Variants in RASEF observed in about 807,000 individuals in gnomAD.
The protein encoded by RASEF is RAS and EF-hand domain containing.
RASEF carries 68 observed loss-of-function variants against 90.1 expected under a neutral mutation model. That is an observed-to-expected ratio of 0.75 (90% CI 0.62 to 0.92). The LOEUF is 0.92. Among genes scored for constraint, RASEF ranks in the 40% least tolerant of loss-of-function variants. RASEF has a pLI of 0.00. For synonymous variants in RASEF, 331 were observed against 345.2 expected, an observed-to-expected ratio of 0.96 and a Z score of 0.46; for missense variants, 949 against 937.2, an observed-to-expected ratio of 1.01 and a Z score of -0.16.
At chr9:83,027,665 AGAG>A (rs1320587138) in intron 1 of RASEF, among the ~76,000 whole-genome samples, 2 of 152,250 alleles carry the variant, frequency 1.3e-5, no homozygotes, top group Non-Finnish European at 2.9e-5. Flanking sequence ...CTGATCTGAA[AGAG>A]GATAAAGGAA....
intron 1 of RASEF, among the ~76,000 whole-genome samples, chr9:83,034,420 A>C (rs2118611359): frequency 6.6e-6 from 1 of 152,312 alleles, no homozygotes; most frequent in South Asian, 2.1e-4. Context: ...TCCTGCAGGT[A>C]AAATTCTTTC....
chr9:83,157,838 T>C, the RASEF span, among the ~76,000 whole-genome samples: 3 of 152,220 alleles, frequency 2.0e-5, no homozygotes, highest in Non-Finnish European at 4.4e-5. Flanking sequence ...TACAAAATGT[T>C]GACATTTACT....
At chr9:83,038,037 C>T (rs1255159633) in intron 1 of RASEF, among the ~76,000 whole-genome samples, 1 of 151,970 alleles carries the variant, frequency 6.6e-6, no homozygotes, top group Non-Finnish European at 1.5e-5. Context: ...GTCTTCCTAT[C>T]TTGATTAAAT....
chr9:83,138,073 TG>T, the RASEF span, among the ~76,000 whole-genome samples: 1 of 151,932 alleles, frequency 6.6e-6, no homozygotes, highest in Non-Finnish European at 1.5e-5. Flanking sequence ...AGCAATGATT[TG>T]TCCAAGTCTA....
rs932779851 is a variant in RASEF at position 83,062,634 on chromosome 9, C to G, written c.234G>C (p.Gly78=). 3.2e-6 allele frequency: 5 copies of G among 1,554,042 alleles called. No homozygotes were observed. The East Asian group carries it at 1.2e-4, about 37-fold the overall frequency. ...ARGFLGSLRG[G]RRRDWGPLDP... Reference sequence around the variant, plus strand: ...CCAGAGGACCCCAGTCCCGGCGCCGCCCCCCGCGGAGGGACCCGAGGAAGC... The same window carrying G: ...CCAGAGGACCCCAGTCCCGGCGCCGGCCCCCGCGGAGGGACCCGAGGAAGC... Residue 78 remains glycine, a synonymous_variant, in exon 1 of 17, where the codon GGG becomes GGC. Transcript: ENST00000376447.
At chr9:83,130,000 A>G in the RASEF span, among the ~76,000 whole-genome samples, 1,143 of 152,352 alleles carry the variant, frequency 7.5e-3, 20 homozygotes, top group African/African-American at 0.026. Context: ...TGGTGTGACC[A>G]AATGCTTTAA....
rs1828563346 is a variant in RASEF, at chr9:82,979,704, G to T, written c.*2973C>A. 6.6e-6 allele frequency: 1 copy of T among 152,060 alleles called. No homozygotes were observed. The highest frequency in any genetic ancestry group is 1.5e-5 in the Non-Finnish European group (1 of 68,020). The allele number at this position is 152,060 out of a possible 1,614,324, so 9.4% of individuals were successfully genotyped here. A position where few individuals can be genotyped will look rare whatever the true frequency, so the allele number is the denominator to read the frequency against. On this transcript the variant is annotated 3_prime_UTR_variant, in exon 17 of 17. Coordinates refer to ENST00000376447, the MANE Select transcript of RASEF (RefSeq NM_152573.4). ...TGGTATAATTATTAAGGTTTGAAGA[G>T]AAATAAACAGTATAAACGAAATATG...
At chr9:83,045,799 C>T (rs942451191) in intron 1 of RASEF, among the ~76,000 whole-genome samples, 8 of 152,266 alleles carry the variant, frequency 5.3e-5, no homozygotes, top group Admixed American at 2.6e-4. Flanking sequence ...TCCCAGTGTG[C>T]CCCCAAGTAA....
In RASEF at chr9:83,049,301, AAT is replaced by A. The variant is rs1564088945; in HGVS notation, c.431+13134_431+13135del. On this transcript the variant is annotated intron_variant, in intron 1 of 16. Transcript: ENST00000376447. ...CAAAATCAATGACATCAGAATTAGC[AAT>A]AGTCAGCTAACCTGACGGGGATGCA... The A allele has an allele frequency of 3.0e-6, 3 of 985,170 alleles. No homozygotes were observed. The African/African-American group carries it at 5.2e-5, about 17-fold the overall frequency. 61.0% of individuals were successfully genotyped at this position (985,170 alleles called of 1,614,324 possible).
At position 82,981,113 on chromosome 9, in the gene RASEF, T is replaced by A. The variant is rs563323602; in HGVS notation, c.*1564A>T. 6.6e-6 allele frequency: 1 copy of A among 152,366 alleles called. No individual in the cohort carries two copies. Among genetic ancestry groups the A allele is most frequent in the South Asian group, 2.1e-4 (1 of 4,828 alleles). The allele number at this position is 152,366 out of a possible 1,614,324, so 9.4% of individuals were successfully genotyped here. ...TCGATTCAACAAAAATAAATGTTTT[T>A]AGCTTATACAATACAATAAATAACA... On this transcript the variant is annotated 3_prime_UTR_variant, in exon 17 of 17. Transcript: ENST00000376447.
At chr9:83,123,545 T>G in the RASEF span, among the ~76,000 whole-genome samples, 1 of 152,172 alleles carries the variant, frequency 6.6e-6, no homozygotes, top group African/African-American at 2.4e-5. Flanking sequence ...AGATACAGAA[T>G]TGATCCTGCT....
chr9:83,144,325 A>AAGAAG, the RASEF span, among the ~76,000 whole-genome samples: 7 of 114,892 alleles, frequency 6.1e-5, no homozygotes, highest in Non-Finnish European at 8.6e-5. Flanking sequence ...GAAAGAAAGA[A>AAGAAG]GGAAAGAAAG....
At chr9:83,009,388 T>C (rs991439329) in intron 6 of RASEF, among the ~76,000 whole-genome samples, 1 of 152,178 alleles carries the variant, frequency 6.6e-6, no homozygotes, top group Non-Finnish European at 1.5e-5. Context: ...GTATATTCTT[T>C]TAGCTCCCAG....
intron 3 of RASEF, among the ~76,000 whole-genome samples, chr9:83,018,172 GGAAA>G (rs1267500613): frequency 1.3e-5 from 2 of 151,628 alleles, no homozygotes; most frequent in Admixed American, 1.3e-4. Flanking sequence ...CATTCAAATT[GGAAA>G]GAAAAATAAA....
the RASEF span, among the ~76,000 whole-genome samples, chr9:83,164,347 G>GTATATA: frequency 6.2e-5 from 8 of 129,974 alleles, no homozygotes; most frequent in East Asian, 4.4e-4. Flanking sequence ...GTATATGTGT[G>GTATATA]TATATATATA....
At chr9:83,061,787 A>G (rs1432318933) in intron 1 of RASEF, among the ~76,000 whole-genome samples, 1 of 152,226 alleles carries the variant, frequency 6.6e-6, no homozygotes, top group Non-Finnish European at 1.5e-5. Context: ...TCAGTTCACA[A>G]AATTTGGGTC....
the RASEF span, among the ~76,000 whole-genome samples, chr9:83,087,544 G>A: frequency 6.6e-6 from 1 of 151,656 alleles, no homozygotes; most frequent in African/African-American, 2.4e-5. Flanking sequence ...ATTTCATATA[G>A]GTTATCTAAT....
chr9:83,191,159 C>T, the RASEF span, among the ~76,000 whole-genome samples: 4 of 152,140 alleles, frequency 2.6e-5, no homozygotes, highest in African/African-American at 9.7e-5. Flanking sequence ...ACTATCCCTG[C>T]TACCTCAAAG....
At chr9:83,089,685 T>A in the RASEF span, among the ~76,000 whole-genome samples, 6 of 152,216 alleles carry the variant, frequency 3.9e-5, no homozygotes, top group Non-Finnish European at 8.8e-5. Context: ...GTTGTTTGTC[T>A]TGTTGGTTTC....
Sources: allele counts gnomAD v4.1 joint callset (sites outside exome capture counted in the v4.1 genomes callset), GRCh38; gene constraint gnomAD v4.1.1; transcripts MANE v1.5; gene names NCBI Gene and HGNC (gene_info 2026-07-23, HGNC 2026-07-21).